Variants in ERBB4 observed in about 807,000 individuals in gnomAD.
The protein encoded by ERBB4 is erb-b2 receptor tyrosine kinase 4, also known as receptor tyrosine-protein kinase erbB-4.
In ERBB4, 42 loss-of-function variants were observed where a neutral mutation model predicts 158.0. That is an observed-to-expected ratio of 0.27 (90% CI 0.21 to 0.34). The LOEUF (loss-of-function observed/expected upper bound fraction) is 0.34, where lower values mean the gene tolerates loss of function less well. Ranked by LOEUF, ERBB4 falls within the 10% of genes least tolerant of loss-of-function variation. ERBB4 has a pLI of 1.00. For synonymous variants in ERBB4, 583 were observed against 558.7 expected (o/e 1.04, Z -0.61); for missense variants, 1,333 against 1,624.1 (o/e 0.82, Z 3.08).
chr2:212,031,349 C>G (rs1434039975), intron 2 of ERBB4, among the ~76,000 whole-genome samples: 1 of 152,106 alleles, frequency 6.6e-6, no homozygotes, highest in Non-Finnish European at 1.5e-5. Flanking sequence ...GTCATTCTAT[C>G]ATAGTTAAAG....
intron 12 of ERBB4, among the ~76,000 whole-genome samples, chr2:211,688,042 G>A (rs1021969860): frequency 2.6e-5 from 4 of 152,066 alleles, no homozygotes; most frequent in African/African-American, 9.7e-5. Flanking sequence ...TTACCTTTGA[G>A]CTATTATCAT....
intron 1 of ERBB4, among the ~76,000 whole-genome samples, chr2:212,491,268 T>C (rs1281394387): frequency 6.6e-6 from 1 of 151,656 alleles, no homozygotes; most frequent in Non-Finnish European, 1.5e-5. Context: ...TGTATAAACT[T>C]TTTAAAAAAG....
At chr2:211,664,752 A>C (rs1340199084) in intron 15 of ERBB4, among the ~76,000 whole-genome samples, 3 of 152,204 alleles carry the variant, frequency 2.0e-5, no homozygotes, top group African/African-American at 7.2e-5. Context: ...AAAGAAATTC[A>C]AGGCTAAAGG....
At chr2:211,689,408 A>G (rs1231156505) in intron 12 of ERBB4, among the ~76,000 whole-genome samples, 2 of 152,126 alleles carry the variant, frequency 1.3e-5, no homozygotes, top group Middle Eastern at 3.2e-3. Flanking sequence ...TACGTTGCCC[A>G]GGCTGGTCTC....
chr2:211,481,480 C>T (rs2065081108), intron 20 of ERBB4, among the ~76,000 whole-genome samples: 1 of 151,284 alleles, frequency 6.6e-6, no homozygotes, highest in Admixed American at 6.6e-5. Context: ...GTTCAGGGAG[C>T]TGAAGAATTT....
At chr2:211,519,113 G>A (rs2066120029) in intron 20 of ERBB4, among the ~76,000 whole-genome samples, 1 of 152,012 alleles carries the variant, frequency 6.6e-6, no homozygotes, top group African/African-American at 2.4e-5. Flanking sequence ...CAGTTTGAGT[G>A]AGCCAAGTTA....
chr2:211,818,621 G>A (rs980057721), intron 3 of ERBB4, among the ~76,000 whole-genome samples: 5 of 151,928 alleles, frequency 3.3e-5, no homozygotes, highest in Non-Finnish European at 7.4e-5. Flanking sequence ...ACTTAATAAA[G>A]GATAATATCT....
intron 2 of ERBB4, among the ~76,000 whole-genome samples, chr2:212,001,073 T>C (rs1440539740): frequency 6.6e-6 from 1 of 152,056 alleles, no homozygotes; most frequent in East Asian, 1.9e-4. Context: ...TCCCAACATG[T>C]AAATTTTGTT....
intron 1 of ERBB4, among the ~76,000 whole-genome samples, chr2:212,327,819 A>G (rs1358958374): frequency 6.7e-6 from 1 of 148,312 alleles, no homozygotes; most frequent in East Asian, 2.0e-4. Flanking sequence ...TGGATTGTAC[A>G]CTTAAAAAGC....
intron 1 of ERBB4, among the ~76,000 whole-genome samples, chr2:212,307,972 A>T (rs1375600270): frequency 6.6e-6 from 1 of 150,844 alleles, no homozygotes; most frequent in Non-Finnish European, 1.5e-5. Flanking sequence ...TCCATGCATT[A>T]TAACCAAGAG....
chr2:212,338,354 C>A (rs2088545177), intron 1 of ERBB4, among the ~76,000 whole-genome samples: 1 of 152,036 alleles, frequency 6.6e-6, no homozygotes, highest in Admixed American at 6.6e-5. Flanking sequence ...AAAGTGGTTC[C>A]TCAAGCTACA....
intron 20 of ERBB4, among the ~76,000 whole-genome samples, chr2:211,465,949 G>C (rs2064675153): frequency 6.6e-6 from 1 of 152,122 alleles, no homozygotes; most frequent in Non-Finnish European, 1.5e-5. Flanking sequence ...CGGTGCTGAA[G>C]CTAAGTTCGG....
chr2:211,996,526 T>C (rs1420073981), intron 2 of ERBB4, among the ~76,000 whole-genome samples: 1 of 152,186 alleles, frequency 6.6e-6, no homozygotes, highest in Admixed American at 6.6e-5. Flanking sequence ...GAAATCCCAT[T>C]AGAAATTAAA....
intron 12 of ERBB4, among the ~76,000 whole-genome samples, chr2:211,687,078 G>A (rs1237408225): frequency 4.6e-5 from 7 of 151,580 alleles, no homozygotes; most frequent in Non-Finnish European, 7.4e-5. Flanking sequence ...GGTGGATCAC[G>A]AGGTCAGGAG....
At chr2:212,291,396 TA>T (rs1249176378) in intron 1 of ERBB4, among the ~76,000 whole-genome samples, 1 of 152,112 alleles carries the variant, frequency 6.6e-6, no homozygotes, top group Non-Finnish European at 1.5e-5. Flanking sequence ...TCATGTATTT[TA>T]AAAAGTCTTT....
At chr2:212,261,988 C>A (rs1446429417) in intron 1 of ERBB4, among the ~76,000 whole-genome samples, 2 of 151,994 alleles carry the variant, frequency 1.3e-5, no homozygotes, top group Admixed American at 6.6e-5. Context: ...CAACAGATTT[C>A]TTTCTATAAA....
At chr2:212,438,478 A>G (rs2092185269) in intron 1 of ERBB4, among the ~76,000 whole-genome samples, 1 of 152,128 alleles carries the variant, frequency 6.6e-6, no homozygotes, top group African/African-American at 2.4e-5. Context: ...ATGAATTTTA[A>G]TATCTACAAC....
intron 19 of ERBB4, among the ~76,000 whole-genome samples, chr2:211,609,747 A>G (rs183763593): frequency 2.2e-4 from 33 of 152,216 alleles, no homozygotes; most frequent in Non-Finnish European, 4.4e-4. Context: ...ATTAATTTGC[A>G]TCATGTCAGT....
intron 1 of ERBB4, among the ~76,000 whole-genome samples, chr2:212,183,091 A>T (rs10932424): frequency 0.96 from 145,036 of 151,812 alleles, 69,332 homozygotes; most frequent in African/African-American, 0.97. Flanking sequence ...GGTCTCCTTA[A>T]GTTAAAACGA....
Sources: allele counts gnomAD v4.1 joint callset (sites outside exome capture counted in the v4.1 genomes callset), GRCh38; gene constraint gnomAD v4.1.1; transcripts MANE v1.5; gene names NCBI Gene and HGNC (gene_info 2026-07-23, HGNC 2026-07-21).